Variants in VASH2 observed in about 807,000 individuals in gnomAD.
The protein encoded by VASH2 is tubulinyl-Tyr carboxypeptidase 2.
In VASH2, 28 loss-of-function variants were observed where a neutral mutation model predicts 37.2. The ratio of observed to expected loss-of-function variants is 0.75; its 90% CI spans 0.56 to 1.03. The LOEUF is 1.03. Among genes scored for constraint, VASH2 ranks in the 50% least tolerant of loss-of-function variants. The pLI is 0.00. For synonymous variants in VASH2, 188 were observed against 174.7 expected, an observed-to-expected ratio of 1.08 and a Z score of -0.60; for missense variants, 419 against 459.1, an observed-to-expected ratio of 0.91 and a Z score of 0.80.
Position 212,971,436 on chromosome 1 carries a change from A to T in VASH2, c.498-1144A>T, listed in dbSNP as rs1056161177. The stretch of plus-strand genomic sequence containing the variant: ...ACCTCCGGAGAAGGGCTGTGTTCTT[A>T]TCTTTGGCTCCACAGCCCTACCTGG... On this transcript the variant is annotated intron_variant, in intron 5 of 7. Transcript: ENST00000517399. The surrounding 1 kb of genome is among the most constrained non-coding windows in gnomAD (Gnocchi z 4.0). Among the ~76,000 whole-genome samples, 11 of 152,092 alleles carry T rather than the reference A, an allele frequency of 7.2e-5. No homozygotes were observed. The highest frequency in any genetic ancestry group is 2.4e-4 in the African/African-American group (10 of 41,398).
At chr1:212,982,224 G>T (rs11120070) in intron 7 of VASH2, among the ~76,000 whole-genome samples, 63,263 of 152,070 alleles carry the variant, frequency 0.42, 16,235 homozygotes, top group Non-Finnish European at 0.58. Context: ...CACAACAGGT[G>T]AGGCTGGGAC....
At chr1:212,955,012 C>T (rs1412211081) in intron 2 of VASH2, among the ~76,000 whole-genome samples, 1 of 152,194 alleles carries the variant, frequency 6.6e-6, no homozygotes, top group Non-Finnish European at 1.5e-5. Flanking sequence ...AGGGGCCACT[C>T]CTCTCGGATT....
At chr1:212,980,390 T>A (rs1667308407) in intron 7 of VASH2, among the ~76,000 whole-genome samples, 1 of 152,224 alleles carries the variant, frequency 6.6e-6, no homozygotes, top group Non-Finnish European at 1.5e-5. Flanking sequence ...TTTTTCCTGC[T>A]GTCTCTCCTC....
chr1:212,966,016 T>C, intron 4 of VASH2: 1 of 600,214 alleles, frequency 1.7e-6, no homozygotes, highest in Non-Finnish European at 2.9e-6. Flanking sequence ...AAACTCTGCC[T>C]CTCGAGGCTT....
chr1:212,961,704 G>A (rs151051158), intron 3 of VASH2, among the ~76,000 whole-genome samples: 183 of 152,332 alleles, frequency 1.2e-3, no homozygotes, highest in African/African-American at 4.2e-3. Flanking sequence ...CTGGGTGCAA[G>A]TGATTCTCCT....
At chr1:212,975,367 G>T (rs1401089443) in intron 7 of VASH2, among the ~76,000 whole-genome samples, 1 of 152,252 alleles carries the variant, frequency 6.6e-6, no homozygotes, top group Non-Finnish European at 1.5e-5. Context: ...TTGGGAAGGA[G>T]GGTGTGAGGT....
chr1:212,969,410 A>T (rs903329700), intron 5 of VASH2, among the ~76,000 whole-genome samples: 1 of 151,910 alleles, frequency 6.6e-6, no homozygotes, highest in Non-Finnish European at 1.5e-5. Flanking sequence ...GTTAGCCAGG[A>T]TGGTCTCAAT....
chr1:212,980,733 G>T (rs902978743), intron 7 of VASH2, among the ~76,000 whole-genome samples: 8 of 152,210 alleles, frequency 5.3e-5, no homozygotes, highest in Non-Finnish European at 8.8e-5. Context: ...TGCCCAAGAA[G>T]TAATTCTCCT....
chr1:212,987,017 A>G (rs998508860), intron 7 of VASH2, among the ~76,000 whole-genome samples: 2 of 151,340 alleles, frequency 1.3e-5, no homozygotes, highest in East Asian at 3.9e-4. Flanking sequence ...GTTGATGACT[A>G]TTCCTTCCCA....
rs751624861 is a variant in VASH2 at position 212,989,867 on chromosome 1, C to G, written c.*1283C>G. ...CTGGCTGCAGACCACACAGGACAAC[C>G]CTAACAGCCTAGTCTTGTATGGTGT... On this transcript the variant is annotated 3_prime_UTR_variant, in exon 8 of 8. Coordinates refer to ENST00000517399, the MANE Select transcript of VASH2 (RefSeq NM_001301056.2). 2 of 152,062 alleles carry G rather than the reference C, an allele frequency of 1.3e-5. No homozygotes were observed. The highest frequency in any genetic ancestry group is 6.5e-5 in the Admixed American group (1 of 15,270). The allele number at this position is 152,062 out of a possible 1,614,324, so 9.4% of individuals were successfully genotyped here. A position where few individuals can be genotyped will look rare whatever the true frequency, so the allele number is the denominator to read the frequency against.
intron 7 of VASH2, among the ~76,000 whole-genome samples, chr1:212,983,231 T>A (rs1667385783): frequency 6.6e-6 from 1 of 152,196 alleles, no homozygotes; most frequent in African/African-American, 2.4e-5. Context: ...CTGGAACAGA[T>A]GTTGTCTTAG....
chr1:212,964,292 GC>G lies in VASH2; in HGVS notation c.366-1427del, dbSNP rs1666768931. ...CAGCTGTGCCAAGAGAGGAATCCCA[GC>G]CCTTTTCAGGAGGGATCGAAGTGCC... is the stretch of plus-strand genomic sequence containing the variant. On this transcript the variant is annotated intron_variant, in intron 3 of 7. Coordinates refer to ENST00000517399, the MANE Select transcript of VASH2 (RefSeq NM_001301056.2). Among the ~76,000 whole-genome samples the G allele has an allele frequency of 2.0e-5, 3 of 152,228 alleles. No homozygotes were observed. The South Asian group carries it at 6.2e-4, about 32-fold the overall frequency.
At chr1:212,969,309 C>T in intron 5 of VASH2, 1 of 524,312 alleles carries the variant, frequency 1.9e-6, no homozygotes, top group Non-Finnish European at 2.4e-6. Flanking sequence ...TCTCCTGCCT[C>T]AGCCTCCCCA....
intron 7 of VASH2, among the ~76,000 whole-genome samples, chr1:212,983,729 A>T (rs1199562385): frequency 6.6e-6 from 1 of 152,192 alleles, no homozygotes; most frequent in East Asian, 1.9e-4. Context: ...CCTTCTAAGG[A>T]TGTGGAGATG....
chr1:212,959,718 AGCCTCGAACAGCCTT>A (rs1666612363), intron 2 of VASH2, among the ~76,000 whole-genome samples: 1 of 152,304 alleles, frequency 6.6e-6, no homozygotes, highest in South Asian at 2.1e-4. Flanking sequence ...TCAGGGAGAG[AGCCTCGAACAGCCTT>A]AGGCAGTGTC....
At chr1:212,988,478 T>C in intron 7 of VASH2, 34 bp from the exon 8 acceptor site, 1 of 1,610,024 alleles carries the variant, frequency 6.2e-7, no homozygotes, top group Non-Finnish European at 8.5e-7. Context: ...CCCCATCCCC[T>C]CTCCTCCACC....
chr1:212,980,093 C>A (rs566632264), intron 7 of VASH2, among the ~76,000 whole-genome samples: 129 of 152,236 alleles, frequency 8.5e-4, no homozygotes, highest in Middle Eastern at 3.4e-3. Flanking sequence ...GGTAAATGCC[C>A]CGCAAAGCCC....
intron 7 of VASH2, among the ~76,000 whole-genome samples, chr1:212,976,139 T>G (rs3768557): frequency 1.3e-5 from 2 of 152,086 alleles, no homozygotes; most frequent in Non-Finnish European, 2.9e-5. Flanking sequence ...TGATGGGATG[T>G]GGGGTGCATC....
At position 212,972,864 on chromosome 1, in the gene VASH2, C is replaced by T. The variant is rs1667054513; in HGVS notation, c.782C>T (p.Pro261Leu). The T allele has an allele frequency of 1.1e-5, 17 of 1,614,088 alleles. No homozygotes were observed. The highest frequency in any genetic ancestry group is 1.4e-5 in the Non-Finnish European group (17 of 1,180,036). ...CCCCATGAGCCTCATAGCTTCCAGC[C>T]CATTGAGTGGAAGCAGCTGGTCCTC... The part of the protein sequence containing the change: ...YVPHEPHSFQ[P>L]IEWKQLVLNV... Residue 261 changes from proline (P) to leucine (L), a missense_variant, in exon 6 of 8, where the codon CCC (proline) becomes CTC (leucine). Pro to Leu is a moderately conservative substitution (Grantham distance 98). This residue lies in a region of VASH2 where 177 missense variants were observed against 166.2 expected (regional missense o/e 1.06). Coordinates refer to ENST00000517399, the MANE Select transcript of VASH2 (RefSeq NM_001301056.2).
Sources: allele counts gnomAD v4.1 joint callset (sites outside exome capture counted in the v4.1 genomes callset), GRCh38; gene constraint gnomAD v4.1.1; regional missense constraint gnomAD v4.1.1; non-coding constraint Gnocchi (gnomAD v3.1); transcripts MANE v1.5; gene names NCBI Gene and HGNC (gene_info 2026-07-23, HGNC 2026-07-21).